NAA60: variants seen among roughly 807,000 people sequenced by gnomAD.
NAA60 encodes N-alpha-acetyltransferase 60, NatF catalytic subunit, also known as N-alpha-acetyltransferase 60.
NAA60 carries 8 observed loss-of-function variants against 26.1 expected under a neutral mutation model. That is an observed-to-expected ratio of 0.31 (90% CI 0.18 to 0.55). The LOEUF (loss-of-function observed/expected upper bound fraction) is 0.55, where lower values mean the gene tolerates loss of function less well. Among genes scored for constraint, NAA60 ranks in the 20% least tolerant of loss-of-function variants. NAA60 has a pLI of 0.93. For missense variants in NAA60, 290 were observed against 311.3 expected (o/e 0.93, Z 0.51); for synonymous variants, 131 against 122.5 (o/e 1.07, Z -0.46).
chr16:3,481,529 C>T (rs1292977605), intron 4 of NAA60, among the ~76,000 whole-genome samples: 3 of 152,152 alleles, frequency 2.0e-5, no homozygotes, highest in African/African-American at 4.8e-5. Flanking sequence ...GTCTCTTCCT[C>T]CTCTGGAATG....
chr16:3,464,164 G>C (rs1158257869), intron 2 of NAA60, among the ~76,000 whole-genome samples: 1 of 152,154 alleles, frequency 6.6e-6, no homozygotes, highest in East Asian at 1.9e-4. Flanking sequence ...CTCCCAAGTA[G>C]CTGGGATTAC....
intron 3 of NAA60, among the ~76,000 whole-genome samples, chr16:3,477,919 A>T (rs1311541544): frequency 1.3e-5 from 2 of 152,176 alleles, no homozygotes; most frequent in Non-Finnish European, 2.9e-5. Context: ...CAAAAAAATT[A>T]TCTGGGCATG....
intron 2 of NAA60, among the ~76,000 whole-genome samples, chr16:3,467,032 CAGCCTGTCAGAGGTGCGGAA>C (rs1171314794): frequency 3.3e-5 from 5 of 151,948 alleles, no homozygotes; most frequent in African/African-American, 4.8e-5. Flanking sequence ...AGGGTGCGGA[CAGCCTGTCAGAGGTGCGGAA>C]AGCCTGACAT....
chr16:3,479,384 G>A, intron 3 of NAA60, 87 bp from the exon 4 acceptor site: 4 of 1,464,958 alleles, frequency 2.7e-6, no homozygotes, highest in Non-Finnish European at 3.7e-6. Context: ...AAGTGGCCCA[G>A]AGCTCCCTGT....
chr16:3,481,144 C>T (rs1275369936), intron 4 of NAA60, among the ~76,000 whole-genome samples: 8 of 151,588 alleles, frequency 5.3e-5, no homozygotes, highest in Non-Finnish European at 1.5e-5. Flanking sequence ...TTTATTGAAA[C>T]GGAGTCTCAC....
intron 2 of NAA60, chr16:3,457,932 A>C: frequency 1.1e-6 from 1 of 934,096 alleles, no homozygotes; most frequent in Non-Finnish European, 1.3e-6. Flanking sequence ...GCCCGCTCCC[A>C]ACATGGCGGC....
At chr16:3,462,425 C>A (rs1446583301) in intron 2 of NAA60, among the ~76,000 whole-genome samples, 1 of 152,154 alleles carries the variant, frequency 6.6e-6, no homozygotes, top group African/African-American at 2.4e-5. Context: ...GAAGATAGCT[C>A]ATTCTGACTC....
chr16:3,484,731 C>G lies in NAA60; in HGVS notation c.605C>G (p.Ala202Gly). The change falls in exon 7 of 8, where the codon GCC becomes GGC. Residue 202 changes from alanine to glycine, a missense_variant. Coordinates refer to ENST00000407558, the MANE Select transcript of NAA60 (RefSeq NM_001083601.3). Reference protein sequence around the residue: ...DYIQHLGSALASLSPCSIPHR... With the variant: ...DYIQHLGSALGSLSPCSIPHR... The stretch of plus-strand genomic sequence containing the variant: ...ATCCAGCACCTGGGCTCTGCACTAG[C>G]CAGCCTGAGCCCCTGCTCCATTCCG... 6.3e-7 allele frequency: 1 copy of G among 1,595,426 alleles called. No homozygotes were observed. Among genetic ancestry groups the G allele is most frequent in the South Asian group, 1.1e-5 (1 of 87,900 alleles).
chr16:3,466,753 G>C (rs1050330291), intron 2 of NAA60, among the ~76,000 whole-genome samples: 13 of 152,172 alleles, frequency 8.5e-5, no homozygotes, highest in African/African-American at 3.1e-4. Context: ...AGAGGGGGAA[G>C]GTGGCCCGAG....
intron 2 of NAA60, chr16:3,457,868 C>G (rs1000929702): frequency 1.5e-6 from 1 of 651,696 alleles, no homozygotes; most frequent in Non-Finnish European, 1.9e-6. Context: ...CACCAGTGCC[C>G]CGCATACGGG....
At chr16:3,485,223 T>C (rs1181223827) in intron 7 of NAA60, 162 bp downstream of exon 7, 1 of 681,732 alleles carries the variant, frequency 1.5e-6, no homozygotes, top group African/African-American at 1.8e-5. Context: ...TGGTGACTTG[T>C]GCCAAGCTAA....
intron 4 of NAA60, among the ~76,000 whole-genome samples, chr16:3,480,899 ACT>A (rs1248460022): frequency 6.6e-6 from 1 of 151,776 alleles, no homozygotes. Context: ...ACAGAGTGAG[ACT>A]CTGTCTATAA....
intron 2 of NAA60, chr16:3,448,878 G>C (rs770652015): frequency 4.2e-6 from 1 of 236,960 alleles, no homozygotes; most frequent in Non-Finnish European, 8.4e-6. Flanking sequence ...AGTGGAGAAC[G>C]AGACTCTCCC....
At position 3,486,734 on chromosome 16, in the gene NAA60, C is replaced by T. The variant is rs988764946; in HGVS notation, c.*1474C>T. The stretch of plus-strand genomic sequence containing the variant: ...CTGCCTGCCGGGCCCAGCTCAGCGC[C>T]CTCTCCACTGCGAATCAGTGGCGAT... On this transcript the variant is annotated 3_prime_UTR_variant, in exon 8 of 8. Transcript: ENST00000407558. The T allele has an allele frequency of 3.9e-5, 6 of 152,418 alleles. No individual in the cohort carries two copies. The highest frequency in any genetic ancestry group is 1.4e-4 in the African/African-American group (6 of 41,468). The allele number at this position is 152,418 out of a possible 1,614,324, so 9.4% of individuals were successfully genotyped here.
At position 3,468,217 on chromosome 16, in the gene NAA60, G is replaced by A. The variant is rs532388652; in HGVS notation, c.-6-8005G>A. ...TGAAGACTTGGCCGGAGACCAGCTT[G>A]ATTGGTTGCAGGAGGGGACCAATCA... On this transcript the variant is annotated intron_variant, in intron 2 of 7. Coordinates refer to ENST00000407558, the MANE Select transcript of NAA60 (RefSeq NM_001083601.3). The A allele has an allele frequency of 3.3e-5, 5 of 152,362 alleles. No individual in the cohort carries two copies. The South Asian group carries it at 1.0e-3, about 32-fold the overall frequency. 9.4% of individuals were successfully genotyped at this position (152,362 alleles called of 1,614,324 possible). A position where few individuals can be genotyped will look rare whatever the true frequency, so the allele number is the denominator to read the frequency against.
At chr16:3,458,369 C>G (rs1194336208) in intron 2 of NAA60, among the ~76,000 whole-genome samples, 1 of 151,810 alleles carries the variant, frequency 6.6e-6, no homozygotes, top group African/African-American at 2.4e-5. Context: ...GTTTCGGGGA[C>G]GGCGGCGGGG....
intron 2 of NAA60, 22 bp from the exon 3 acceptor site, chr16:3,476,199 GT>G: frequency 1.3e-6 from 2 of 1,559,450 alleles, no homozygotes; most frequent in Admixed American, 1.8e-5. Flanking sequence ...GAGGTGACGC[GT>G]CCCCCCCACC....
At chr16:3,453,416 A>T (rs1049520368) in intron 2 of NAA60, among the ~76,000 whole-genome samples, 124 of 151,006 alleles carry the variant, frequency 8.2e-4, no homozygotes, top group African/African-American at 2.9e-3. Flanking sequence ...CATGAAAAAA[A>T]ATTTTTTTTT....
chr16:3,458,452 C>G (rs926953800), intron 2 of NAA60, among the ~76,000 whole-genome samples: 1 of 152,104 alleles, frequency 6.6e-6, no homozygotes, highest in African/African-American at 2.4e-5. Context: ...GGCCTTCTGC[C>G]TGGGGGTTGC....
Sources: gnomAD v4.1 joint callset for allele counts (sites outside exome capture counted in the v4.1 genomes callset) on GRCh38, gnomAD v4.1.1 for gene constraint, MANE v1.5 for transcripts, NCBI Gene and HGNC (gene_info 2026-07-23, HGNC 2026-07-21) for gene names.